The following HDAC4 variants were observed in gnomAD, a reference collection of about 807,000 sequenced individuals.
The protein encoded by HDAC4 is histone deacetylase 4, also known as histone deacetylase A.
A neutral mutation model predicts 135.1 loss-of-function variants in HDAC4; 16 were observed. That is an observed-to-expected ratio of 0.12 (90% CI 0.08 to 0.18). The LOEUF (loss-of-function observed/expected upper bound fraction) is 0.18, where lower values mean the gene tolerates loss of function less well. HDAC4 is among the 10% of genes least tolerant of loss of function. HDAC4 has a pLI of 1.00. For synonymous variants in HDAC4, 685 were observed against 653.4 expected, an observed-to-expected ratio of 1.05 and a Z score of -0.74; for missense variants, 1,143 against 1,511.8, an observed-to-expected ratio of 0.76 and a Z score of 4.05.
intron 8 of HDAC4, among the ~76,000 whole-genome samples, chr2:239,144,157 T>TGGGAAG (rs763845702): frequency 2.4e-4 from 37 of 152,126 alleles, no homozygotes; most frequent in Non-Finnish European, 4.7e-4. Context: ...TGCTCTGGCG[T>TGGGAAG]GGGAAGACGT....
chr2:239,210,867 G>A (rs1034818601), intron 3 of HDAC4, among the ~76,000 whole-genome samples: 31 of 152,216 alleles, frequency 2.0e-4, no homozygotes, highest in African/African-American at 7.0e-4. Flanking sequence ...CAGCTCCTGC[G>A]GCACCTTCCA....
intron 21 of HDAC4, 30 bp downstream of exon 21, chr2:239,082,072 C>G (rs377524427): frequency 8.7e-6 from 14 of 1,612,750 alleles, no homozygotes; most frequent in Non-Finnish European, 1.2e-5. Flanking sequence ...TCCCCCTTTC[C>G]CCCCAGAGGC....
At chr2:239,182,264 C>T (rs1337063329) in intron 4 of HDAC4, among the ~76,000 whole-genome samples, 3 of 152,174 alleles carry the variant, frequency 2.0e-5, no homozygotes, top group African/African-American at 4.8e-5. Flanking sequence ...CTCGTCATGG[C>T]GAGCCCCTCC....
At chr2:239,067,791 C>G (rs557674822) in intron 23 of HDAC4, among the ~76,000 whole-genome samples, 1 of 152,178 alleles carries the variant, frequency 6.6e-6, no homozygotes, top group African/African-American at 2.4e-5. Flanking sequence ...CCGCCTGTGC[C>G]GACAGGAGTG....
chr2:239,260,196 C>A (rs900804253), intron 2 of HDAC4, among the ~76,000 whole-genome samples: 1 of 152,214 alleles, frequency 6.6e-6, no homozygotes, highest in Non-Finnish European at 1.5e-5. Context: ...ACTCTGCAGG[C>A]GCCCTGTGAC....
At chr2:239,370,508 G>A (rs768775350) in intron 1 of HDAC4, among the ~76,000 whole-genome samples, 14 of 152,170 alleles carry the variant, frequency 9.2e-5, no homozygotes, top group African/African-American at 2.2e-4. Flanking sequence ...TCCCTGCAGC[G>A]CCCCCCTGAA....
In HDAC4 at chr2:239,084,169, G is replaced by C; in HGVS notation, c.2518C>G (p.Leu840Val). 6.2e-7 allele frequency: 1 copy of C among 1,613,156 alleles called. No individual in the cohort carries two copies. The highest frequency in any genetic ancestry group is 8.5e-7 in the Non-Finnish European group (1 of 1,179,394). Residue 840 changes from leucine (L) to valine (V), a missense_variant, in exon 20 of 27, where the codon CTC becomes GTC. Physicochemically the swap from Leu to Val is conservative, Grantham distance 32. This residue lies in a region of HDAC4 where 189 missense variants were observed against 317.6 expected (regional missense o/e 0.60). Transcript: ENST00000543185. ...GCTCTGCTTACCCAGTCCACGATGA[G>C]GATCTTGCTCACGCTCAACCTCTGC... ...LQQRLSVSKI[L>V]IVDWDVHHGN...
intron 16 of HDAC4, among the ~76,000 whole-genome samples, chr2:239,096,909 G>C (rs961588265): frequency 6.6e-6 from 1 of 152,132 alleles, no homozygotes; most frequent in Non-Finnish European, 1.5e-5. Flanking sequence ...TCCACGGCCC[G>C]GGGCTGGGGA....
chr2:239,256,909 C>T (rs1315243911), intron 2 of HDAC4, among the ~76,000 whole-genome samples: 6 of 152,196 alleles, frequency 3.9e-5, no homozygotes, highest in Admixed American at 6.5e-5. Context: ...TACTGCTAAT[C>T]GGATCCACTA....
chr2:239,157,037 C>T (rs530354870), intron 6 of HDAC4, among the ~76,000 whole-genome samples: 1 of 152,356 alleles, frequency 6.6e-6, no homozygotes, highest in Admixed American at 6.5e-5. Context: ...GGCCGTTTTC[C>T]TGGTGGCTGT....
chr2:239,373,781 A>G (rs763119085), intron 1 of HDAC4, among the ~76,000 whole-genome samples: 7 of 152,162 alleles, frequency 4.6e-5, no homozygotes, highest in Admixed American at 4.6e-4. Flanking sequence ...TGTTGCTAAT[A>G]TCTTTATCCA....
At chr2:239,249,364 T>C (rs944982858) in intron 2 of HDAC4, among the ~76,000 whole-genome samples, 1 of 151,532 alleles carries the variant, frequency 6.6e-6, no homozygotes, top group African/African-American at 2.4e-5. Flanking sequence ...CTGGGAGAGA[T>C]GGGGAAAGGG....
At chr2:239,365,741 G>T (rs1249227585) in intron 1 of HDAC4, among the ~76,000 whole-genome samples, 2 of 152,184 alleles carry the variant, frequency 1.3e-5, no homozygotes, top group African/African-American at 4.8e-5. Flanking sequence ...GGTCGTCAGG[G>T]TCACGCACGT....
intron 2 of HDAC4, among the ~76,000 whole-genome samples, chr2:239,283,590 C>T (rs1455264975): frequency 2.6e-5 from 4 of 152,244 alleles, no homozygotes; most frequent in African/African-American, 9.6e-5. Context: ...CACTGCAGTA[C>T]AGAAATCAGG....
chr2:239,292,640 G>T (rs1327323131), intron 2 of HDAC4, among the ~76,000 whole-genome samples: 1 of 152,224 alleles, frequency 6.6e-6, no homozygotes, highest in Non-Finnish European at 1.5e-5. Flanking sequence ...CAAGTAATGG[G>T]TCAGGTCAAA....
rs1281261466 is a variant in HDAC4, at chr2:239,146,675, G to A, written c.734-1961C>T. On this transcript the variant is annotated intron_variant, in intron 7 of 26. Transcript: ENST00000543185. The surrounding 1 kb of genome is among the most constrained non-coding windows in gnomAD (Gnocchi z 4.5). The stretch of plus-strand genomic sequence containing the variant: ...AGAGACTCTTGAGGAGAGTCCCATG[G>A]TGGCTGCTTCACCCCACCCCTTCCC... Among the ~76,000 whole-genome samples the A allele has an allele frequency of 6.6e-6, 1 of 151,680 alleles. No homozygotes were observed. Among genetic ancestry groups the A allele is most frequent in the Non-Finnish European group, 1.5e-5 (1 of 67,884 alleles).
intron 12 of HDAC4, among the ~76,000 whole-genome samples, chr2:239,124,675 C>T (rs1049806654): frequency 2.2e-5 from 3 of 135,724 alleles, no homozygotes; most frequent in Admixed American, 7.3e-5. Context: ...GGTGTGCCGG[C>T]GTGTGGCCGC....
chr2:239,071,449 C>T (rs746386726), intron 22 of HDAC4, among the ~76,000 whole-genome samples: 1 of 152,302 alleles, frequency 6.6e-6, no homozygotes, highest in East Asian at 1.9e-4. Flanking sequence ...GGGAAACTCT[C>T]CCAGTGATTT....
rs912163549 is a variant in HDAC4, at chr2:239,120,402, GAC to G, written c.1534-5094_1534-5093del. 7.3e-5 allele frequency among the ~76,000 whole-genome samples: 5 copies of G among 68,292 alleles called. No individual in the cohort carries two copies. In the East Asian group the frequency reaches 1.6e-3, roughly 22 times the overall value. The allele number at this position is 68,292 out of a possible 152,430, so 44.8% of individuals were successfully genotyped here. On this transcript the variant is annotated intron_variant, in intron 12 of 26. Transcript: ENST00000543185. Reference sequence around the variant, plus strand: ...GCAGAGGCACACACAGACGCACACAGACACACACACACAGACACAGACAGATG... The same window carrying G: ...GCAGAGGCACACACAGACGCACACAGACACACACACAGACACAGACAGATG...
Sources: gnomAD v4.1 joint callset for allele counts (sites outside exome capture counted in the v4.1 genomes callset) on GRCh38, gnomAD v4.1.1 for gene constraint, gnomAD v4.1.1 regional missense constraint, Gnocchi (gnomAD v3.1) non-coding constraint, MANE v1.5 for transcripts, NCBI Gene and HGNC (gene_info 2026-07-23, HGNC 2026-07-21) for gene names.